Variants in WNT9A observed in about 807,000 individuals in gnomAD.
The protein encoded by WNT9A is Wnt family member 9A.
In WNT9A, 8 loss-of-function variants were observed where a neutral mutation model predicts 31.4. That is an observed-to-expected ratio of 0.26 (90% CI 0.15 to 0.46). WNT9A has a LOEUF of 0.46. Ranked by LOEUF, WNT9A falls within the 20% of genes least tolerant of loss-of-function variation. The probability of loss-of-function intolerance (pLI) is 0.99; values close to 1 mark genes in which losing one functional copy is unlikely to be tolerated. For missense variants in WNT9A, 457 were observed against 522.9 expected, an observed-to-expected ratio of 0.87 and a Z score of 1.23; for synonymous variants, 236 against 220.1, an observed-to-expected ratio of 1.07 and a Z score of -0.64.
chr1:227,936,289 A>G (rs991626016), intron 1 of WNT9A, among the ~76,000 whole-genome samples: 1 of 151,988 alleles, frequency 6.6e-6, no homozygotes. Flanking sequence ...CCTGGGTTCA[A>G]GCGATTGTTC....
Position 227,925,442 on chromosome 1 carries a change from G to A in WNT9A, c.173C>T (p.Ala58Val). 1 of 1,588,980 alleles carries A rather than the reference G, an allele frequency of 6.3e-7. No homozygotes were observed. The highest frequency in any genetic ancestry group is 8.5e-7 in the Non-Finnish European group (1 of 1,171,442). Residue 58 changes from alanine (A) to valine (V), a missense_variant, in exon 2 of 4, where the codon GCC (alanine) becomes GTC (valine). Physicochemically the swap from Ala to Val is moderately conservative, Grantham distance 64 (BLOSUM62 0). Transcript: ENST00000272164. The surrounding 1 kb of genome is among the most constrained non-coding windows in gnomAD (Gnocchi z 6.0). ...PEAAAQAHYK[A>V]CDRLKLERKQ... ...CCGCTCCAGCTTCAGCCGGTCGCAG[G>A]CCTTGTAGTGCGCCTGGGCAGCCGC...
In WNT9A at chr1:227,942,632, G is replaced by A. The variant is rs866325238; in HGVS notation, c.95+5161C>T. ...CACTGAGCCACTTCCACGATCTCTC[G>A]AAACAAGGCAGCTCCCTGGCCCCTT... On this transcript the variant is annotated intron_variant, in intron 1 of 3. Coordinates refer to ENST00000272164, the MANE Select transcript of WNT9A (RefSeq NM_003395.4). The surrounding 1 kb of genome is among the most constrained non-coding windows in gnomAD (Gnocchi z 5.7). Among the ~76,000 whole-genome samples the A allele has an allele frequency of 2.6e-5, 4 of 152,094 alleles. No homozygotes were observed. The highest frequency in any genetic ancestry group is 7.2e-5 in the African/African-American group (3 of 41,428).
chr1:227,934,558 T>C (rs1666558973), intron 1 of WNT9A, among the ~76,000 whole-genome samples: 1 of 152,242 alleles, frequency 6.6e-6, no homozygotes, highest in Non-Finnish European at 1.5e-5. Flanking sequence ...CTACGGCATG[T>C]CTACTCTTAT....
At chr1:227,937,762 C>A (rs1476472774) in intron 1 of WNT9A, among the ~76,000 whole-genome samples, 1 of 152,254 alleles carries the variant, frequency 6.6e-6, no homozygotes, top group Non-Finnish European at 1.5e-5. Flanking sequence ...AGACTTCTGG[C>A]CTTCAGACCT....
rs3820622 is a variant in WNT9A at position 227,919,580 on chromosome 1, G to C, written c.*1938C>G. The C allele has an allele frequency of 6.6e-6, 1 of 151,424 alleles. No homozygotes were observed. Among genetic ancestry groups the C allele is most frequent in the Non-Finnish European group, 1.5e-5 (1 of 68,002 alleles). The allele number at this position is 151,424 out of a possible 1,614,324, so 9.4% of individuals were successfully genotyped here. On this transcript the variant is annotated 3_prime_UTR_variant, in exon 4 of 4. Transcript: ENST00000272164. ...CAACCCGCCCAGAACCCAGCCCACA[G>C]CCATCAGGACACCCACAAGACGGAG...
chr1:227,936,080 C>A (rs144163823), intron 1 of WNT9A, among the ~76,000 whole-genome samples: 2,645 of 152,364 alleles, frequency 0.017, 42 homozygotes, highest in Non-Finnish European at 0.026. Flanking sequence ...AGGGCCTCCA[C>A]CTCCTGAGGT....
chr1:227,947,197 TCCCGG>T (rs1666808641), intron 1 of WNT9A, among the ~76,000 whole-genome samples: 1 of 151,366 alleles, frequency 6.6e-6, no homozygotes, highest in Non-Finnish European at 1.5e-5. Flanking sequence ...GGCCCTGCGC[TCCCGG>T]CCAGGTTCCA....
At chr1:227,941,637 G>A (rs955277056) in intron 1 of WNT9A, 12 of 153,674 alleles carry the variant, frequency 7.8e-5, no homozygotes, top group African/African-American at 2.7e-4. Context: ...CAGGGGAGAT[G>A]GCACCACTGT....
At chr1:227,931,964 G>A (rs1306936971) in intron 1 of WNT9A, among the ~76,000 whole-genome samples, 8 of 150,996 alleles carry the variant, frequency 5.3e-5, no homozygotes, top group African/African-American at 2.0e-4. Flanking sequence ...CTCTTGATCC[G>A]CCTGCCTTGG....
rs762050387 is a variant in WNT9A, at chr1:227,921,822, C to G, written c.794G>C (p.Gly265Ala). Residue 265 changes from glycine (G) to alanine (A), a missense_variant, in exon 4 of 4, where the codon GGT becomes GCT. Gly to Ala is a moderately conservative substitution (Grantham distance 60). Transcript: ENST00000272164. ...STTNEAAGEA[G>A]AISPPRGRAS... ...ACGGCCCCGTGGTGGGGAGATGGCA[C>G]CTGCCTCGCCGGCAGCTTCATTGGT... The G allele has an allele frequency of 3.7e-6, 6 of 1,612,880 alleles. No homozygotes were observed. Among genetic ancestry groups the G allele is most frequent in the Non-Finnish European group, 5.1e-6 (6 of 1,179,904 alleles).
chr1:227,938,265 CCATA>C (rs1666628509), intron 1 of WNT9A, among the ~76,000 whole-genome samples: 1 of 145,576 alleles, frequency 6.9e-6, no homozygotes, highest in Non-Finnish European at 1.5e-5. Context: ...ACACACACCC[CCATA>C]CAAACCCATA....
chr1:227,944,074 C>T (rs1666757908), intron 1 of WNT9A, among the ~76,000 whole-genome samples: 1 of 152,110 alleles, frequency 6.6e-6, no homozygotes, highest in South Asian at 2.1e-4. Flanking sequence ...CACACAAAAC[C>T]TCACATACCA....
Position 227,919,904 on chromosome 1 carries a change from CCT to C in WNT9A, c.*1612_*1613del, listed in dbSNP as rs1363580315. The C allele has an allele frequency of 6.6e-6, 1 of 152,460 alleles. No individual in the cohort carries two copies. Among genetic ancestry groups the C allele is most frequent in the East Asian group, 1.9e-4 (1 of 5,204 alleles). The allele number at this position is 152,460 out of a possible 1,614,324, so 9.4% of individuals were successfully genotyped here. ...ACCAAGCCAGGTCAGTGCAGGTCAC[CCT>C]GTCCCCAGCACACACAACAGCAGGG... On this transcript the variant is annotated 3_prime_UTR_variant, in exon 4 of 4. Coordinates refer to ENST00000272164, the MANE Select transcript of WNT9A (RefSeq NM_003395.4).
At chr1:227,944,980 C>A (rs936667988) in intron 1 of WNT9A, among the ~76,000 whole-genome samples, 4 of 152,136 alleles carry the variant, frequency 2.6e-5, no homozygotes, top group Non-Finnish European at 4.4e-5. Context: ...GGTGGGGGTC[C>A]AAGCCCCGCT....
At chr1:227,927,641 C>T (rs1399697864) in intron 1 of WNT9A, among the ~76,000 whole-genome samples, 1 of 152,108 alleles carries the variant, frequency 6.6e-6, no homozygotes, top group Non-Finnish European at 1.5e-5. Flanking sequence ...CCAGGAGAGC[C>T]GCACCTCACA....
Position 227,947,853 on chromosome 1 carries a change from G to GCCAGCCAGCGCGCCAGCGGGGAC in WNT9A, c.12_34dup (p.Ala12GlyfsTer14). The stretch of plus-strand genomic sequence containing the variant: ...CAGCAGCGTCAGCCCGAAGGCCGCG[G>GCCAGCCAGCGCGCCAGCGGGGAC]CCAGCCAGCGCGCCAGCGGGGACCC... On this transcript the variant is annotated frameshift_variant, in exon 1 of 4. Transcript: ENST00000272164. LOFTEE classifies it high-confidence loss of function. The GCCAGCCAGCGCGCCAGCGGGGAC allele has an allele frequency of 9.2e-7, 1 of 1,088,252 alleles. No homozygotes were observed. The highest frequency in any genetic ancestry group is 4.3e-5 in the South Asian group (1 of 23,362). The allele number at this position is 1,088,252 out of a possible 1,614,324, so 67.4% of individuals were successfully genotyped here.
In WNT9A at chr1:227,925,495, G is replaced by A. The variant is rs760235501; in HGVS notation, c.120C>T (p.Thr40=). The change falls in exon 2 of 4, where the codon ACC becomes ACT. Residue 40 remains threonine, a synonymous_variant. Transcript: ENST00000272164. The surrounding 1 kb of genome is among the most constrained non-coding windows in gnomAD (Gnocchi z 6.0). ...CTGGCTCCAGGGTCAGCGGGAGGAT[G>A]GTCAGGGGCTCGCTGCCCGTCAGCC... is the stretch of plus-strand genomic sequence containing the variant. The part of the protein sequence containing the change: ...YFGLTGSEPL[T]ILPLTLEPEA... 2 of 1,563,086 alleles carry A rather than the reference G, an allele frequency of 1.3e-6. No individual in the cohort carries two copies. Among genetic ancestry groups the A allele is most frequent in the Non-Finnish European group, 1.7e-6 (2 of 1,158,294 alleles).
At position 227,937,802 on chromosome 1, in the gene WNT9A, C is replaced by A. The variant is rs556466507; in HGVS notation, c.95+9991G>T. Among the ~76,000 whole-genome samples the A allele has an allele frequency of 2.5e-3, 385 of 152,380 alleles. 2 individuals carry two copies. The highest frequency in any genetic ancestry group is 8.8e-3 in the African/African-American group (366 of 41,606). On this transcript the variant is annotated intron_variant, in intron 1 of 3. Transcript: ENST00000272164. ...CAGAAGTCCTGTTGTTTTAGGCCAGCCAGTCTGTGGTGCCTGACAGCAGCC... is the reference window on the plus strand; with the variant it reads ...CAGAAGTCCTGTTGTTTTAGGCCAGACAGTCTGTGGTGCCTGACAGCAGCC...
At chr1:227,940,467 C>A (rs1666678706) in intron 1 of WNT9A, among the ~76,000 whole-genome samples, 2 of 152,206 alleles carry the variant, frequency 1.3e-5, no homozygotes, top group South Asian at 4.1e-4. Context: ...ACACTGTCAT[C>A]CCTTCTGGAG....
Sources: gnomAD v4.1 joint callset for allele counts (sites outside exome capture counted in the v4.1 genomes callset) on GRCh38, gnomAD v4.1.1 for gene constraint, Gnocchi (gnomAD v3.1) non-coding constraint, MANE v1.5 for transcripts, NCBI Gene and HGNC (gene_info 2026-07-23, HGNC 2026-07-21) for gene names.